The following SPECC1 variants were observed in gnomAD, a reference collection of about 807,000 sequenced individuals.
SPECC1 encodes sperm antigen with calponin homology and coiled-coil domains 1.
In SPECC1, 62 loss-of-function variants were observed where a neutral mutation model predicts 104.1. The observed-to-expected ratio is 0.60, with a 90% CI of 0.49 to 0.74. SPECC1 has a LOEUF of 0.74. SPECC1 is among the 30% of genes least tolerant of loss of function. The pLI, the probability that SPECC1 is intolerant of heterozygous loss-of-function variation, is 0.00. For synonymous variants in SPECC1, 513 were observed against 501.6 expected (o/e 1.02, Z -0.30); for missense variants, 1,306 against 1,310.5 (o/e 1.00, Z 0.05).
At chr17:20,156,071 T>G in intron 3 of SPECC1, 1 of 1,320,778 alleles carries the variant, frequency 7.6e-7, no homozygotes, top group Non-Finnish European at 9.7e-7. Flanking sequence ...AGGCGCCCGG[T>G]CCTTTCTTTG....
chr17:20,287,540 G>A (rs1245997697), intron 12 of SPECC1, among the ~76,000 whole-genome samples: 25 of 151,662 alleles, frequency 1.6e-4, no homozygotes, highest in Admixed American at 1.6e-3. Context: ...CATCCATGTG[G>A]AAAGTGTGAA....
At chr17:20,225,232 G>A (rs2038129216) in intron 4 of SPECC1, among the ~76,000 whole-genome samples, 1 of 152,172 alleles carries the variant, frequency 6.6e-6, no homozygotes, top group South Asian at 2.1e-4. Context: ...CTGGGGTTGG[G>A]GGAAGAGTGG....
At chr17:20,143,573 AC>A (rs1157768780) in intron 3 of SPECC1, among the ~76,000 whole-genome samples, 1 of 152,030 alleles carries the variant, frequency 6.6e-6, no homozygotes, top group Non-Finnish European at 1.5e-5. Context: ...AATCCCAGGT[AC>A]TTGGGAGGCT....
chr17:20,152,360 C>T (rs1184262471), intron 3 of SPECC1, among the ~76,000 whole-genome samples: 1 of 152,150 alleles, frequency 6.6e-6, no homozygotes, highest in Non-Finnish European at 1.5e-5. Flanking sequence ...ATGAGGGAGA[C>T]AGCATTGAAT....
chr17:20,019,174 T>G (rs1366901556), intron 1 of SPECC1, among the ~76,000 whole-genome samples: 1 of 152,104 alleles, frequency 6.6e-6, no homozygotes, highest in African/African-American at 2.4e-5. Context: ...GCCAGGAATT[T>G]GAGACTAGCC....
At chr17:20,139,827 A>G (rs2030538933) in intron 3 of SPECC1, among the ~76,000 whole-genome samples, 1 of 152,054 alleles carries the variant, frequency 6.6e-6, no homozygotes, top group Non-Finnish European at 1.5e-5. Context: ...GGTGCCCATC[A>G]CCACGCCTGG....
chr17:20,197,145 G>A (rs911827719), intron 3 of SPECC1, among the ~76,000 whole-genome samples: 4 of 152,308 alleles, frequency 2.6e-5, no homozygotes, highest in South Asian at 2.1e-4. Context: ...AGGTGGAGCC[G>A]TTGGAAGAAC....
rs2041377032 is a variant in SPECC1 at position 20,297,040 on chromosome 17, C to T, written c.3020C>T (p.Ala1007Val). ...GCTCTGCTCCACACCTACCTGCCTG[C>T]CCACATCCCCTACCAGGAGCTGAAT... is the stretch of plus-strand genomic sequence containing the variant. Reference protein sequence around the residue: ...FCALLHTYLPAHIPYQELNSQ... With the variant: ...FCALLHTYLPVHIPYQELNSQ... Residue 1007 changes from alanine to valine, a missense_variant, in exon 13 of 15, where the codon GCC becomes GTC. Ala to Val is a moderately conservative substitution (Grantham distance 64). Transcript: ENST00000395527. 2.5e-6 allele frequency: 4 copies of T among 1,614,144 alleles called. No individual in the cohort carries two copies. The highest frequency in any genetic ancestry group is 2.2e-5 in the South Asian group (2 of 91,074).
intron 1 of SPECC1, among the ~76,000 whole-genome samples, chr17:20,052,345 T>C (rs1386693304): frequency 6.6e-6 from 1 of 152,196 alleles, no homozygotes; most frequent in Non-Finnish European, 1.5e-5. Flanking sequence ...GTTGAGGTCC[T>C]AACAGAAAAG....
At chr17:20,147,059 G>A (rs1395526367) in intron 3 of SPECC1, among the ~76,000 whole-genome samples, 1 of 151,234 alleles carries the variant, frequency 6.6e-6, no homozygotes, top group South Asian at 2.1e-4. Context: ...ATTCTAATAG[G>A]TGCATAACAG....
intron 3 of SPECC1, among the ~76,000 whole-genome samples, chr17:20,169,342 A>G (rs1332745112): frequency 6.6e-6 from 1 of 152,214 alleles, no homozygotes; most frequent in Non-Finnish European, 1.5e-5. Flanking sequence ...GTCCTCCATT[A>G]AGTGGAGGAA....
intron 3 of SPECC1, among the ~76,000 whole-genome samples, chr17:20,147,634 G>A (rs1417302822): frequency 2.0e-5 from 3 of 152,198 alleles, no homozygotes; most frequent in Admixed American, 2.0e-4. Context: ...TATTGAAACT[G>A]AGTTGAGAGG....
At chr17:20,241,748 T>TA (rs1489089573) in intron 7 of SPECC1, among the ~76,000 whole-genome samples, 1 of 152,220 alleles carries the variant, frequency 6.6e-6, no homozygotes, top group Non-Finnish European at 1.5e-5. Context: ...ATTTAGAAGA[T>TA]ATTGTTTGAC....
At chr17:20,208,808 G>C (rs1189120280) in intron 4 of SPECC1, among the ~76,000 whole-genome samples, 2 of 152,118 alleles carry the variant, frequency 1.3e-5, no homozygotes, top group African/African-American at 2.4e-5. Context: ...TTTGTTTGGT[G>C]GTTTATTTTT....
chr17:20,019,868 GTCACTGGCTT>G (rs1261856712), intron 1 of SPECC1, among the ~76,000 whole-genome samples: 5 of 38,310 alleles, frequency 1.3e-4, no homozygotes, highest in African/African-American at 5.2e-4. Flanking sequence ...TGGCTTCTTT[GTCACTGGCTT>G]CTTTTCCGTG....
chr17:20,121,782 C>G (rs1339906645), intron 3 of SPECC1, among the ~76,000 whole-genome samples: 1 of 152,190 alleles, frequency 6.6e-6, no homozygotes, highest in Non-Finnish European at 1.5e-5. Context: ...TTGTGGAACC[C>G]CCAGAAGGCT....
chr17:20,186,278 AC>A (rs1465625929), intron 3 of SPECC1, among the ~76,000 whole-genome samples: 1 of 152,246 alleles, frequency 6.6e-6, no homozygotes, highest in Non-Finnish European at 1.5e-5. Context: ...AATTATGTTT[AC>A]ACTATATTGT....
At chr17:20,311,887 T>C (rs1167636323) in intron 14 of SPECC1, among the ~76,000 whole-genome samples, 3 of 152,254 alleles carry the variant, frequency 2.0e-5, no homozygotes, top group Non-Finnish European at 4.4e-5. Flanking sequence ...TTTTGTGTAA[T>C]GCTTTTTCTT....
At chr17:20,049,491 G>C (rs1170578931) in intron 1 of SPECC1, among the ~76,000 whole-genome samples, 1 of 152,096 alleles carries the variant, frequency 6.6e-6, no homozygotes, top group African/African-American at 2.4e-5. Flanking sequence ...TGAACTACCT[G>C]TTCATTACCT....
Sources: gnomAD v4.1 joint callset for allele counts (sites outside exome capture counted in the v4.1 genomes callset) on GRCh38, gnomAD v4.1.1 for gene constraint, MANE v1.5 for transcripts, NCBI Gene and HGNC (gene_info 2026-07-23, HGNC 2026-07-21) for gene names.